The following ZFR2 variants were observed in gnomAD, a reference collection of about 807,000 sequenced individuals.
The protein encoded by ZFR2 is zinc finger RNA binding protein 2.
Under a neutral mutation model 105.7 loss-of-function variants are expected in ZFR2, and 104 were observed. That is an observed-to-expected ratio of 0.98 (90% confidence interval 0.84 to 1.16). ZFR2 has a LOEUF of 1.16. ZFR2 is among the 50% of genes most tolerant of loss of function. The pLI, the probability that ZFR2 is intolerant of heterozygous loss-of-function variation, is 0.00. For missense variants in ZFR2, 1,425 were observed against 1,355.5 expected (o/e 1.05, Z -0.80); for synonymous variants, 634 against 597.7 (o/e 1.06, Z -0.89).
intron 1 of ZFR2, among the ~76,000 whole-genome samples, chr19:3,845,080 G>C (rs990678464): frequency 6.6e-6 from 1 of 152,210 alleles, no homozygotes; most frequent in African/African-American, 2.4e-5. Flanking sequence ...TCCCTCTGTG[G>C]CTTGCAGACG....
chr19:3,816,772 G>A lies in ZFR2; in HGVS notation c.2005C>T (p.Arg669Cys), dbSNP rs1340964713. Residue 669 changes from arginine to cysteine, a missense_variant, in exon 13 of 19, where the codon CGT becomes TGT. Transcript: ENST00000262961. ...VGILAKGLLL[R>C]GDRNVRLALL... ...GCGAGGCGCACGTTCCTGTCCCCACGCAGGAGGAGGCCTTTCGCCAGGATG... is the reference window on the plus strand; with the variant it reads ...GCGAGGCGCACGTTCCTGTCCCCACACAGGAGGAGGCCTTTCGCCAGGATG... 5.0e-6 allele frequency: 8 copies of A among 1,609,002 alleles called. No individual in the cohort carries two copies. Among genetic ancestry groups the A allele is most frequent in the Non-Finnish European group, 6.8e-6 (8 of 1,178,468 alleles).
intron 1 of ZFR2, among the ~76,000 whole-genome samples, chr19:3,837,921 C>T (rs151139052): frequency 2.3e-4 from 35 of 152,088 alleles, no homozygotes; most frequent in African/African-American, 6.7e-4. Flanking sequence ...CTGTGACACA[C>T]GATGAACATG....
rs943138474 is a variant in ZFR2, at chr19:3,827,441, T to G, written c.1035+30A>C. On this transcript the variant is annotated intron_variant, in intron 6 of 18. Coordinates refer to ENST00000262961, the MANE Select transcript of ZFR2 (RefSeq NM_015174.2). Reference sequence around the variant, plus strand: ...TGACCTGGGGGCCTTCTCCCCAGGGTGGCAGAGCCTGGGCCGGGCGGGGCC... The same window carrying G: ...TGACCTGGGGGCCTTCTCCCCAGGGGGGCAGAGCCTGGGCCGGGCGGGGCC... 17 of 1,500,468 alleles carry G rather than the reference T, an allele frequency of 1.1e-5. No homozygotes were observed. The Admixed American group carries it at 2.7e-4, about 24-fold the overall frequency. The allele number at this position is 1,500,468 out of a possible 1,614,324, so 92.9% of individuals were successfully genotyped here. A position where few individuals can be genotyped will look rare whatever the true frequency, so the allele number is the denominator to read the frequency against.
Position 3,834,921 on chromosome 19 carries a change from G to T in ZFR2, c.116C>A (p.Pro39His). Residue 39 changes from proline to histidine, a missense_variant, in exon 2 of 19, where the codon CCT becomes CAT. Transcript: ENST00000262961. This position sits in a 1 kb window ranked among gnomAD's most constrained non-coding sequence, Gnocchi z 5.3. ...CGGGTTCACGGCAGGGTCCATCCCA[G>T]GAGTGGGTTGTGCAGTATAGCTGGC... ...VGASYTAQPT[P>H]GMDPAVNPAF... is the part of the protein sequence containing the mutation. 1 of 1,611,766 alleles carries T rather than the reference G, an allele frequency of 6.2e-7. No individual in the cohort carries two copies. Among genetic ancestry groups the T allele is most frequent in the Non-Finnish European group, 8.5e-7 (1 of 1,179,108 alleles).
rs191951923 is a variant in ZFR2, at chr19:3,825,678, C to T, written c.1036-271G>A. 1.0e-3 allele frequency among the ~76,000 whole-genome samples: 154 copies of T among 151,976 alleles called. 1 individual carries two copies. Among genetic ancestry groups the T allele is most frequent in the African/African-American group, 3.4e-3 (142 of 41,424 alleles). On this transcript the variant is annotated intron_variant, in intron 6 of 18. Coordinates refer to ENST00000262961, the MANE Select transcript of ZFR2 (RefSeq NM_015174.2). ...TGAGCACGTGGCTCACCGGCTCACA[C>T]GGACGCTCTTCCTCCTCCTCCACCA...
chr19:3,868,597 T>A (rs940709288), intron 1 of ZFR2, among the ~76,000 whole-genome samples: 4 of 103,226 alleles, frequency 3.9e-5, no homozygotes, highest in African/African-American at 1.5e-4. Context: ...CCCGCCCGGG[T>A]CTGTCCCCTC....
rs762689663 is a variant in ZFR2 at position 3,831,841 on chromosome 19, G to C, written c.417C>G (p.Gly139=). ...GTGGGGGCTGAGCGTGGCTGTGACT[G>C]CCATGGGGGCTGGGCTGCCCGCAGG... ...QEACGQPSPH[G]SHSHAQPPQQ... The change falls in exon 4 of 19, where the codon GGC becomes GGG. Residue 139 remains glycine, a synonymous_variant. Transcript: ENST00000262961. The C allele has an allele frequency of 4.4e-6, 7 of 1,603,202 alleles. No individual in the cohort carries two copies. In the Admixed American group the frequency reaches 1.2e-4, roughly 27 times the overall value.
At chr19:3,820,752 C>T (rs920331561) in intron 10 of ZFR2, among the ~76,000 whole-genome samples, 1 of 87,210 alleles carries the variant, frequency 1.1e-5, no homozygotes, top group African/African-American at 4.4e-5. Context: ...TCAGGAGACA[C>T]AGGAACACCA....
At chr19:3,840,245 C>CT (rs35809815) in intron 1 of ZFR2, among the ~76,000 whole-genome samples, 7,872 of 144,986 alleles carry the variant, frequency 0.054, 287 homozygotes, top group Non-Finnish European at 0.082. Context: ...GCTTGTTTTA[C>CT]TTTTTTTTTT....
chr19:3,842,884 C>G (rs796782148), intron 1 of ZFR2, among the ~76,000 whole-genome samples: 7 of 152,214 alleles, frequency 4.6e-5, no homozygotes, highest in African/African-American at 1.7e-4. Flanking sequence ...CTTGGCCTCC[C>G]AAAGTGCTGG....
chr19:3,827,700 G>C, intron 5 of ZFR2, 47 bp from the exon 6 acceptor site: 3 of 1,548,860 alleles, frequency 1.9e-6, no homozygotes, highest in Non-Finnish European at 2.6e-6. Flanking sequence ...TTGCACACTG[G>C]CCACTGTCCC....
intron 1 of ZFR2, chr19:3,852,316 G>A: frequency 1.6e-6 from 1 of 621,656 alleles, no homozygotes; most frequent in Non-Finnish European, 2.9e-6. Context: ...TGGCAATCCT[G>A]GTGGAGGTGG....
At chr19:3,812,411 A>G (rs1455223109) in intron 14 of ZFR2, among the ~76,000 whole-genome samples, 1 of 152,206 alleles carries the variant, frequency 6.6e-6, no homozygotes, top group South Asian at 2.1e-4. Flanking sequence ...TCACCTCCCC[A>G]CCACGCTGGG....
chr19:3,835,038 G>T, intron 1 of ZFR2, 55 bp from the exon 2 acceptor site: 1 of 1,539,696 alleles, frequency 6.5e-7, no homozygotes. Context: ...GTTCTCAGGT[G>T]CACTGAGTTG....
chr19:3,846,602 T>TC (rs1343600082), intron 1 of ZFR2, among the ~76,000 whole-genome samples: 37 of 152,294 alleles, frequency 2.4e-4, no homozygotes, highest in African/African-American at 7.2e-4. Context: ...ACACGCATCT[T>TC]TAAAAAAAGA....
intron 1 of ZFR2, 110 bp downstream of exon 1, chr19:3,868,855 G>T: frequency 1.1e-6 from 1 of 936,778 alleles, no homozygotes; most frequent in Non-Finnish European, 1.4e-6. Flanking sequence ...CCAGGTTGGG[G>T]CTGGGACTGG....
chr19:3,816,483 C>T (rs550008923), intron 13 of ZFR2, among the ~76,000 whole-genome samples, 191 bp downstream of exon 13: 56 of 149,972 alleles, frequency 3.7e-4, no homozygotes, highest in African/African-American at 1.3e-3. Flanking sequence ...TGACCTCAAG[C>T]GATCCACCTG....
rs76514484 is a variant in ZFR2 at position 3,810,727 on chromosome 19, C to T, written c.2433+23G>A. On this transcript the variant is annotated intron_variant, in intron 16 of 18. Coordinates refer to ENST00000262961, the MANE Select transcript of ZFR2 (RefSeq NM_015174.2). ...GCCCTTGGGGGTCCCAGTGGAGGGC[C>T]GGGCCGCCAGGCACTGCCTTACCCA... 2.6e-3 allele frequency: 3,992 copies of T among 1,543,022 alleles called. 54 individuals carry two copies. In the East Asian group the frequency reaches 0.045, roughly 18 times the overall value.
chr19:3,862,560 A>G (rs1309874083), intron 1 of ZFR2, among the ~76,000 whole-genome samples: 1 of 152,162 alleles, frequency 6.6e-6, no homozygotes, highest in East Asian at 1.9e-4. Flanking sequence ...AGCCTCCCCA[A>G]ATGCTGGGAT....
Sources: gnomAD v4.1 joint callset for allele counts (sites outside exome capture counted in the v4.1 genomes callset) on GRCh38, gnomAD v4.1.1 for gene constraint, Gnocchi (gnomAD v3.1) non-coding constraint, MANE v1.5 for transcripts, NCBI Gene and HGNC (gene_info 2026-07-23, HGNC 2026-07-21) for gene names.